PRH1: variants seen among roughly 807,000 people sequenced by gnomAD.
PRH1 encodes proline rich protein HaeIII subfamily 1.
Under a neutral mutation model 7.9 loss-of-function variants are expected in PRH1, and 7 were observed. That is an observed-to-expected ratio of 0.89 (90% CI 0.50 to 1.67). PRH1 has a LOEUF of 1.67. PRH1 is among the 40% of genes most tolerant of loss of function. The probability of loss-of-function intolerance (pLI) is 0.00; values close to 1 mark genes in which losing one functional copy is unlikely to be tolerated. For synonymous variants in PRH1, 45 were observed against 80.8 expected, an observed-to-expected ratio of 0.56 and a Z score of 2.38; for missense variants, 109 against 223.6, an observed-to-expected ratio of 0.49 and a Z score of 3.27.
At chr12:11,070,730 A>G (rs1231728457) in intron 1 of PRH1, among the ~76,000 whole-genome samples, 1 of 144,506 alleles carries the variant, frequency 6.9e-6, no homozygotes. Flanking sequence ...CCACCCCAGC[A>G]GAGCCTGAAC....
rs1950190559 is a variant in PRH1 at position 10,930,550 on chromosome 12, T to C, written c.-59+43105A>G. The C allele has an allele frequency of 1.9e-6, 3 of 1,543,418 alleles. No individual in the cohort carries two copies. The South Asian group carries it at 3.8e-5, about 20-fold the overall frequency. ...CCTTGGGAAGGGGGGAGGTTGGGAG[T>C]TGAGAGGCAGGTCAGGGAGAGAGGG... On this transcript the variant is annotated intron_variant, in intron 2 of 3. Coordinates refer to the PRH1 transcript ENST00000539853.
At chr12:10,932,988 A>T (rs540394332) in intron 2 of PRH1, among the ~76,000 whole-genome samples, 2 of 152,322 alleles carry the variant, frequency 1.3e-5, no homozygotes, top group East Asian at 3.9e-4. Flanking sequence ...AATTAATGAA[A>T]ATTTAAAAGA....
Position 11,133,830 on chromosome 12 carries a change from A to C in PRH1, n.40-12650T>G, listed in dbSNP as rs752390480. ...ATCACAAAAAGATGACAAACCAAAA[A>C]TAGCAAAGGCCCCAACAGTATCACC... On this transcript the variant is annotated intron_variant and non_coding_transcript_variant, in intron 1 of 1. Transcript: ENST00000541175. The C allele has an allele frequency of 4.3e-6, 7 of 1,614,168 alleles. No homozygotes were observed. The Admixed American group carries it at 5.0e-5, about 12-fold the overall frequency.
chr12:11,167,952 T>C (rs117073523), intron 1 of PRH1, among the ~76,000 whole-genome samples: 2,398 of 152,040 alleles, frequency 0.016, 20 homozygotes, highest in South Asian at 0.036. Flanking sequence ...AATTAAAAAA[T>C]AGATTCATGT....
chr12:10,983,101 T>G (rs567407373), intron 1 of PRH1, among the ~76,000 whole-genome samples: 1 of 152,290 alleles, frequency 6.6e-6, no homozygotes, highest in East Asian at 1.9e-4. Context: ...TCAAAGTTGC[T>G]ACAGGCATGC....
At chr12:10,996,860 C>T (rs117458236) in intron 1 of PRH1, 25,070 of 1,361,680 alleles carry the variant, frequency 0.018, 341 homozygotes, top group Non-Finnish European at 0.02. Context: ...ACATAGACTA[C>T]GGAAAAACTT....
At chr12:10,902,716 C>A (rs2418221) in intron 2 of PRH1, among the ~76,000 whole-genome samples, 74,246 of 151,600 alleles carry the variant, frequency 0.49, 20,560 homozygotes, top group East Asian at 0.72. Flanking sequence ...GGCCTACTTT[C>A]AGCATTCTTA....
At chr12:11,171,610 T>C (rs1401334094), upstream of PRH1, 2 of 1,193,520 alleles carry the variant, frequency 1.7e-6, no homozygotes, top group African/African-American at 3.1e-5. Context: ...GATGGCCGAC[T>C]CCCAGGGTCC....
At chr12:11,131,511 C>T (rs1946339332) in intron 1 of PRH1, among the ~76,000 whole-genome samples, 1 of 142,962 alleles carries the variant, frequency 7.0e-6, no homozygotes, top group African/African-American at 2.5e-5. Context: ...AAATGAAATG[C>T]CATTTTTATA....
intron 1 of PRH1, among the ~76,000 whole-genome samples, chr12:11,170,911 A>G (rs764252593): frequency 2.7e-5 from 4 of 149,486 alleles, no homozygotes; most frequent in Non-Finnish European, 4.4e-5. Flanking sequence ...TTGCCCTAAT[A>G]TTAATATTAT....
At chr12:11,156,380 G>A (rs1015796547) in intron 1 of PRH1, among the ~76,000 whole-genome samples, 9 of 151,978 alleles carry the variant, frequency 5.9e-5, no homozygotes, top group African/African-American at 2.2e-4. Flanking sequence ...TTTCTCGAAT[G>A]TATGGATTGA....
intron 1 of PRH1, chr12:11,166,095 G>C (rs1386901685): frequency 6.6e-6 from 1 of 152,242 alleles, no homozygotes; most frequent in Admixed American, 6.5e-5. Flanking sequence ...CTGGCTGAAA[G>C]CCGGTTTTCT....
In PRH1 at chr12:11,086,939, C is replaced by T. The variant is rs1454791246; in HGVS notation, n.124-39751G>A. On this transcript the variant is annotated intron_variant and non_coding_transcript_variant, in intron 1 of 4. Coordinates refer to the PRH1 transcript ENST00000541977. ...AAACACCACCACCACCAACAAAGGG[C>T]GATGAAAATACAACTGTCTTTGGTT... Among the ~76,000 whole-genome samples the T allele has an allele frequency of 4.4e-5, 3 of 68,540 alleles. 1 individual carries two copies. The highest frequency in any genetic ancestry group is 4.1e-4 in the South Asian group (1 of 2,446). The allele number at this position is 68,540 out of a possible 152,430, so 45.0% of individuals were successfully genotyped here. A position where few individuals can be genotyped will look rare whatever the true frequency, so the allele number is the denominator to read the frequency against.
At chr12:10,961,869 G>C (rs1163403433) in intron 2 of PRH1, among the ~76,000 whole-genome samples, 2 of 152,126 alleles carry the variant, frequency 1.3e-5, no homozygotes, top group East Asian at 3.8e-4. Flanking sequence ...GAAAAGTACT[G>C]GGGTCCAAGT....
chr12:10,947,242 T>C (rs758884637), intron 2 of PRH1, among the ~76,000 whole-genome samples: 1 of 152,180 alleles, frequency 6.6e-6, no homozygotes, highest in African/African-American at 2.4e-5. Flanking sequence ...TCACTCACTA[T>C]TATTGGGTGG....
intron 1 of PRH1, among the ~76,000 whole-genome samples, chr12:10,988,085 CTT>C (rs1939742207): frequency 6.6e-6 from 1 of 152,132 alleles, no homozygotes; most frequent in African/African-American, 2.4e-5. Context: ...TTTGCCTGCA[CTT>C]GATCCATCCT....
At chr12:11,101,848 T>G (rs1214039996) in intron 1 of PRH1, among the ~76,000 whole-genome samples, 1 of 152,180 alleles carries the variant, frequency 6.6e-6, no homozygotes, top group African/African-American at 2.4e-5. Context: ...CAGCAAAGTC[T>G]CAGGATACAA....
chr12:11,042,370 T>C (rs1942740192), intron 1 of PRH1, among the ~76,000 whole-genome samples: 1 of 149,810 alleles, frequency 6.7e-6, no homozygotes, highest in South Asian at 2.1e-4. Context: ...CTAAAACAAA[T>C]GGACAAATTC....
intron 1 of PRH1, among the ~76,000 whole-genome samples, chr12:11,037,220 T>C (rs1942468375): frequency 6.6e-6 from 1 of 152,228 alleles, no homozygotes; most frequent in Admixed American, 6.5e-5. Flanking sequence ...TATCTTTTAA[T>C]AGCATCATTA....
Sources: allele counts gnomAD v4.1 joint callset (sites outside exome capture counted in the v4.1 genomes callset), GRCh38; gene constraint gnomAD v4.1.1; transcripts MANE v1.5; gene names NCBI Gene and HGNC (gene_info 2026-07-23, HGNC 2026-07-21).